PROS1: variants seen among roughly 807,000 people sequenced by gnomAD.
PROS1 encodes the protein protein S, also known as vitamin K-dependent protein S.
In PROS1, 29 loss-of-function variants were observed where a neutral mutation model predicts 75.9. The ratio of observed to expected loss-of-function variants is 0.38; its 90% CI spans 0.28 to 0.52. PROS1 has a LOEUF of 0.52. Ranked by LOEUF, PROS1 falls within the 20% of genes least tolerant of loss-of-function variation. PROS1 has a pLI of 0.83. For synonymous variants in PROS1, 245 were observed against 280.6 expected, an observed-to-expected ratio of 0.87 and a Z score of 1.27; for missense variants, 680 against 810.3, an observed-to-expected ratio of 0.84 and a Z score of 1.95.
rs76877671 is a variant in PROS1 at position 93,879,313 on chromosome 3, A to G, written c.1494T>C (p.Asn498=). The G allele has an allele frequency of 3.6e-4, 581 of 1,613,932 alleles. 3 individuals are homozygous for G. In the East Asian group the frequency reaches 0.012, roughly 32 times the overall value. The part of the protein sequence containing the change: ...SGIAQFHIDY[N]NVSSAEGWHV... ...GCCAACCCTCAGCACTGGATACATTATCTATTTAAAATAATGAAACAGAAG... is the reference window on the plus strand; with the variant it reads ...GCCAACCCTCAGCACTGGATACATTGTCTATTTAAAATAATGAAACAGAAG... Residue 498 remains asparagine (N), a splice_region_variant and synonymous_variant, in exon 13 of 15, where the codon AAT becomes AAC. Coordinates refer to ENST00000394236, the MANE Select transcript of PROS1 (RefSeq NM_000313.4).
intron 12 of PROS1, among the ~76,000 whole-genome samples, chr3:93,880,489 G>C (rs531999303): frequency 5.3e-5 from 8 of 152,172 alleles, no homozygotes; most frequent in African/African-American, 1.7e-4. Flanking sequence ...CTGGGAAAAA[G>C]AGTGAGACTC....
chr3:93,973,631 G>T, intron 1 of PROS1, 43 bp downstream of exon 1: 1 of 1,596,064 alleles, frequency 6.3e-7, no homozygotes, highest in South Asian at 1.1e-5. Context: ...CAGTTCAGTC[G>T]ACAATGCTGG....
intron 14 of PROS1, among the ~76,000 whole-genome samples, chr3:93,876,110 C>G (rs1708183639): frequency 6.6e-6 from 1 of 152,180 alleles, no homozygotes; most frequent in Non-Finnish European, 1.5e-5. Flanking sequence ...TATCTCCGAT[C>G]TATTTACTGT....
chr3:93,894,630 G>C (rs1708475378), intron 9 of PROS1, among the ~76,000 whole-genome samples: 1 of 152,016 alleles, frequency 6.6e-6, no homozygotes, highest in Admixed American at 6.6e-5. Context: ...CATTACAATG[G>C]GGAACAATTC....
intron 1 of PROS1, among the ~76,000 whole-genome samples, chr3:93,935,311 C>A (rs752828533): frequency 3.3e-5 from 5 of 152,134 alleles, no homozygotes; most frequent in Non-Finnish European, 7.4e-5. Flanking sequence ...TAGTCCCACA[C>A]TCAGCTTTCA....
At chr3:93,951,579 A>G (rs1273868340) in intron 1 of PROS1, among the ~76,000 whole-genome samples, 1 of 152,226 alleles carries the variant, frequency 6.6e-6, no homozygotes, top group African/African-American at 2.4e-5. Context: ...CTGCCTTACA[A>G]GAGCTCCTGA....
At chr3:93,904,303 T>G (rs1395261574) in intron 6 of PROS1, among the ~76,000 whole-genome samples, 2 of 152,194 alleles carry the variant, frequency 1.3e-5, no homozygotes, top group Non-Finnish European at 2.9e-5. Context: ...TATAGCAGCA[T>G]GATTTATAGT....
chr3:93,874,478 T>C (rs761532811), intron 14 of PROS1, 73 bp from the exon 15 acceptor site: 5 of 1,570,248 alleles, frequency 3.2e-6, no homozygotes, highest in African/African-American at 1.4e-5. Flanking sequence ...AGAGAAGTCA[T>C]TCAGACTTCC....
chr3:93,928,643 C>A, intron 1 of PROS1: 3 of 648,622 alleles, frequency 4.6e-6, no homozygotes, highest in South Asian at 1.8e-5. Context: ...TGAACAGCAA[C>A]AATAAAAATA....
intron 10 of PROS1, among the ~76,000 whole-genome samples, chr3:93,891,459 G>T (rs977408574): frequency 6.6e-6 from 1 of 152,046 alleles, no homozygotes; most frequent in Admixed American, 6.5e-5. Context: ...AGACAGTCTT[G>T]CTTTGTCACC....
At chr3:93,947,909 C>T (rs1048915866) in intron 1 of PROS1, among the ~76,000 whole-genome samples, 3 of 152,138 alleles carry the variant, frequency 2.0e-5, no homozygotes, top group African/African-American at 7.2e-5. Flanking sequence ...TCCCCCCTTA[C>T]CTTGGCATTG....
At chr3:93,925,606 G>T (rs1423146400) in intron 2 of PROS1, among the ~76,000 whole-genome samples, 1 of 152,036 alleles carries the variant, frequency 6.6e-6, no homozygotes, top group African/African-American at 2.4e-5. Flanking sequence ...GGGAGACTAA[G>T]GTGGGCAGAT....
intron 1 of PROS1, among the ~76,000 whole-genome samples, chr3:93,937,235 A>G (rs1026227365): frequency 2.0e-5 from 3 of 152,190 alleles, no homozygotes; most frequent in Non-Finnish European, 4.4e-5. Context: ...GATTTGAGCA[A>G]GCAGGCAGTA....
intron 12 of PROS1, among the ~76,000 whole-genome samples, chr3:93,880,569 T>C (rs1393052769): frequency 6.6e-6 from 1 of 152,154 alleles, no homozygotes; most frequent in Non-Finnish European, 1.5e-5. Flanking sequence ...TGATATATCA[T>C]AATTGCACAT....
At chr3:93,919,500 C>T (rs1708913196) in intron 3 of PROS1, among the ~76,000 whole-genome samples, 2 of 149,772 alleles carry the variant, frequency 1.3e-5, no homozygotes, top group African/African-American at 4.9e-5. Flanking sequence ...TTATAAATAT[C>T]ACCTCTTGAT....
chr3:93,907,612 A>T (rs1358287092), intron 4 of PROS1, among the ~76,000 whole-genome samples: 1 of 152,148 alleles, frequency 6.6e-6, no homozygotes, highest in African/African-American at 2.4e-5. Context: ...GTTCCTGTTC[A>T]TCTTGCTCAC....
At position 93,927,375 on chromosome 3, in the gene PROS1, C is replaced by T; in HGVS notation, c.109G>A (p.Val37Ile). The change falls in exon 2 of 15, where the codon GTT becomes ATT. Residue 37 changes from valine (V) to isoleucine (I), a missense_variant. Transcript: ENST00000394236. ...AAAGAATTTGCACGACGCTTCCTAA[C>T]CAGGACTTGTGAAGCCTGTTGCTTT... ...LSKQQASQVL[V>I]RKRRANSLLE... 2 of 1,614,096 alleles carry T rather than the reference C, an allele frequency of 1.2e-6. No homozygotes were observed. The highest frequency in any genetic ancestry group is 1.7e-6 in the Non-Finnish European group (2 of 1,180,010).
intron 3 of PROS1, among the ~76,000 whole-genome samples, chr3:93,918,673 G>C (rs1576194038): frequency 6.6e-6 from 1 of 152,152 alleles, no homozygotes; most frequent in Non-Finnish European, 1.5e-5. Context: ...GACACAGCTG[G>C]GATTACAGGC....
intron 3 of PROS1, among the ~76,000 whole-genome samples, chr3:93,912,454 C>G (rs985626792): frequency 6.6e-6 from 1 of 151,914 alleles, no homozygotes; most frequent in African/African-American, 2.4e-5. Flanking sequence ...ATGTCTGGGG[C>G]GGGGAGGGGC....
Sources: gnomAD v4.1 joint callset for allele counts (sites outside exome capture counted in the v4.1 genomes callset) on GRCh38, gnomAD v4.1.1 for gene constraint, MANE v1.5 for transcripts, NCBI Gene and HGNC (gene_info 2026-07-23, HGNC 2026-07-21) for gene names.